USH2A: variants seen among roughly 807,000 people sequenced by gnomAD.
USH2A encodes usherin.
USH2A carries 443 observed loss-of-function variants against 538.9 expected under a neutral mutation model. The observed-to-expected ratio is 0.82, with a 90% CI of 0.76 to 0.89. USH2A has a LOEUF of 0.89. Among genes scored for constraint, USH2A ranks in the 40% least tolerant of loss-of-function variants. USH2A has a pLI of 0.00. For synonymous variants in USH2A, 2,413 were observed against 2,273.5 expected (o/e 1.06, Z -1.75); for missense variants, 6,633 against 6,324.8 (o/e 1.05, Z -1.65).
At chr1:215,770,414 G>GA (rs901514643) in intron 55 of USH2A, among the ~76,000 whole-genome samples, 63 of 142,148 alleles carry the variant, frequency 4.4e-4, no homozygotes, top group African/African-American at 6.2e-4. Flanking sequence ...TGCTCAAAAC[G>GA]AAAAAAAAAA....
At chr1:216,259,984 G>A (rs1419661609) in intron 11 of USH2A, among the ~76,000 whole-genome samples, 1 of 152,052 alleles carries the variant, frequency 6.6e-6, no homozygotes, top group Non-Finnish European at 1.5e-5. Context: ...CAGTACGAGT[G>A]CAGGCTGATT....
rs1163479120 is a variant in USH2A, at chr1:215,889,001, A to G, written c.7648T>C (p.Leu2550=). The change falls in exon 41 of 72, where the codon TTG becomes CTG. Residue 2550 remains leucine, a synonymous_variant. Coordinates refer to ENST00000307340, the MANE Select transcript of USH2A (RefSeq NM_206933.4). ...ILLDVKSRMM[L]VTWQHPRKSN... ...TTTCTAGGATGCTGCCAGGTGACCA[A>G]CATCATTCTTGACTTCACATCCAGA... 1 of 1,614,110 alleles carries G rather than the reference A, an allele frequency of 6.2e-7. No individual in the cohort carries two copies. The highest frequency in any genetic ancestry group is 8.5e-7 in the Non-Finnish European group (1 of 1,180,016).
At chr1:215,916,242 A>G (rs1229608766) in intron 38 of USH2A, among the ~76,000 whole-genome samples, 2 of 152,104 alleles carry the variant, frequency 1.3e-5, no homozygotes, top group Non-Finnish European at 2.9e-5. Flanking sequence ...TAGGTTTTAC[A>G]GATCCAACCT....
intron 41 of USH2A, among the ~76,000 whole-genome samples, chr1:215,881,900 T>C (rs1664920970): frequency 6.6e-6 from 1 of 152,200 alleles, no homozygotes; most frequent in Admixed American, 6.5e-5. Flanking sequence ...ACGATTGACT[T>C]TCAGCAGCTC....
intron 70 of USH2A, among the ~76,000 whole-genome samples, chr1:215,632,518 AC>A (rs1447580111): frequency 6.6e-6 from 1 of 152,160 alleles, no homozygotes; most frequent in Non-Finnish European, 1.5e-5. Context: ...GCCTATAGGG[AC>A]TGGGTCAAAG....
intron 3 of USH2A, among the ~76,000 whole-genome samples, chr1:216,372,470 T>C (rs1428151738): frequency 6.6e-6 from 1 of 152,114 alleles, no homozygotes; most frequent in Non-Finnish European, 1.5e-5. Flanking sequence ...GATTTGCTGT[T>C]CTCCCCTCAT....
chr1:216,022,741 C>T (rs1232842532), intron 32 of USH2A, among the ~76,000 whole-genome samples: 2 of 152,118 alleles, frequency 1.3e-5, no homozygotes, highest in Non-Finnish European at 2.9e-5. Flanking sequence ...ATATTAGAAT[C>T]GACTGGGACA....
chr1:216,260,215 A>G (rs2036343898), intron 11 of USH2A, among the ~76,000 whole-genome samples: 1 of 152,190 alleles, frequency 6.6e-6, no homozygotes, highest in African/African-American at 2.4e-5. Flanking sequence ...AAAATTTTGA[A>G]GACAGAAAAT....
intron 32 of USH2A, among the ~76,000 whole-genome samples, chr1:216,010,637 G>A (rs904141024): frequency 1.8e-4 from 28 of 151,712 alleles, no homozygotes; most frequent in Admixed American, 9.2e-4. Context: ...CTCCATAACT[G>A]TTGCAGGTAT....
chr1:215,914,001 G>A (rs1276205605), intron 38 of USH2A, among the ~76,000 whole-genome samples: 1 of 150,356 alleles, frequency 6.7e-6, no homozygotes, highest in Non-Finnish European at 1.5e-5. Context: ...GCTGAATAAT[G>A]AAGGAAAAAG....
chr1:216,160,504 C>T (rs917485468), intron 21 of USH2A, among the ~76,000 whole-genome samples: 5 of 151,974 alleles, frequency 3.3e-5, no homozygotes, highest in Non-Finnish European at 7.4e-5. Context: ...TGCAGTGGCT[C>T]ATCACATCTG....
chr1:215,741,612 AATG>A, intron 59 of USH2A, 75 bp from the exon 60 acceptor site: 1 of 1,517,738 alleles, frequency 6.6e-7, no homozygotes, highest in South Asian at 1.2e-5. Context: ...ACAGAAGGGT[AATG>A]ATATCATGAA....
intron 20 of USH2A, among the ~76,000 whole-genome samples, chr1:216,182,839 G>T (rs1450318997): frequency 2.6e-5 from 4 of 152,028 alleles, no homozygotes; most frequent in Non-Finnish European, 5.9e-5. Context: ...CCAGATCCCA[G>T]TTCCAATAAA....
intron 3 of USH2A, among the ~76,000 whole-genome samples, chr1:216,396,931 C>T (rs2039223288): frequency 6.6e-6 from 1 of 152,202 alleles, no homozygotes; most frequent in African/African-American, 2.4e-5. Context: ...AATTTCTCTT[C>T]CCCCTGAAGT....
chr1:216,332,565 T>G (rs771392611), intron 4 of USH2A, among the ~76,000 whole-genome samples: 1 of 152,146 alleles, frequency 6.6e-6, no homozygotes, highest in Non-Finnish European at 1.5e-5. Context: ...ACTTTGAGGC[T>G]CTGCACAAGC....
At chr1:216,170,853 C>A (rs890862708) in intron 21 of USH2A, among the ~76,000 whole-genome samples, 2 of 151,918 alleles carry the variant, frequency 1.3e-5, no homozygotes, top group Admixed American at 1.3e-4. Context: ...TCCAAAGGCA[C>A]AATGATATCC....
intron 37 of USH2A, among the ~76,000 whole-genome samples, chr1:215,959,966 C>A (rs1025159276): frequency 3.9e-5 from 6 of 152,168 alleles, no homozygotes; most frequent in African/African-American, 1.4e-4. Context: ...TCCACAATAA[C>A]CACTTAAGAA....
rs1267260016 is a variant in USH2A, at chr1:215,743,195, T to C, written c.11530A>G (p.Ile3844Val). ...CTTTCACCATTTTGACATGCTTGTATCCTTATCTCATACTGTGTGAATGGA... is the reference window on the plus strand; with the variant it reads ...CTTTCACCATTTTGACATGCTTGTACCCTTATCTCATACTGTGTGAATGGA... ...LTPFTQYEIR[I>V]QACQNGSCGV... The change falls in exon 59 of 72, where the codon ATA becomes GTA. Residue 3844 changes from isoleucine to valine, a missense_variant. Ile to Val is a conservative substitution (Grantham distance 29, BLOSUM62 3). Coordinates refer to ENST00000307340, the MANE Select transcript of USH2A (RefSeq NM_206933.4). 1.9e-6 allele frequency: 3 copies of C among 1,611,192 alleles called. No individual in the cohort carries two copies. Among genetic ancestry groups the C allele is most frequent in the Non-Finnish European group, 8.5e-7 (1 of 1,178,588 alleles).
intron 50 of USH2A, among the ~76,000 whole-genome samples, chr1:215,793,798 C>T (rs188557230): frequency 2.6e-5 from 4 of 152,174 alleles, no homozygotes; most frequent in Admixed American, 6.6e-5. Flanking sequence ...CATCAAAGGC[C>T]GCATGGACAA....
Sources: allele counts gnomAD v4.1 joint callset (sites outside exome capture counted in the v4.1 genomes callset), GRCh38; gene constraint gnomAD v4.1.1; transcripts MANE v1.5; gene names NCBI Gene and HGNC (gene_info 2026-07-23, HGNC 2026-07-21).